The following SCN11A variants were observed in gnomAD, a reference collection of about 807,000 sequenced individuals.
SCN11A encodes the protein sodium voltage-gated channel alpha subunit 11.
SCN11A carries 122 observed loss-of-function variants against 162.2 expected under a neutral mutation model. The ratio of observed to expected loss-of-function variants is 0.75; its 90% CI spans 0.65 to 0.87. The LOEUF is 0.87. Among genes scored for constraint, SCN11A ranks in the 40% least tolerant of loss-of-function variants. The probability of loss-of-function intolerance (pLI) is 0.00; values close to 1 mark genes in which losing one functional copy is unlikely to be tolerated. For missense variants in SCN11A, 2,015 were observed against 2,181.6 expected (o/e 0.92, Z 1.52); for synonymous variants, 758 against 751.5 (o/e 1.01, Z -0.14).
chr3:39,018,377 T>C (rs913643810), intron 2 of SCN11A, among the ~76,000 whole-genome samples: 1 of 152,306 alleles, frequency 6.6e-6, no homozygotes, highest in Admixed American at 6.5e-5. Context: ...TCTCAGCTAC[T>C]TCTCCTCAAC....
intron 14 of SCN11A, among the ~76,000 whole-genome samples, chr3:38,907,684 T>C (rs1349635398): frequency 6.6e-6 from 1 of 152,118 alleles, no homozygotes; most frequent in Non-Finnish European, 1.5e-5. Flanking sequence ...TCTTCATCAT[T>C]AGCCGTACAC....
chr3:38,877,155 G>A (rs1409473845), intron 23 of SCN11A, among the ~76,000 whole-genome samples: 13 of 100,268 alleles, frequency 1.3e-4, no homozygotes, highest in African/African-American at 5.8e-4. Flanking sequence ...GTATATATAT[G>A]GTGTATATAC....
chr3:38,964,213 G>A (rs1015251754), intron 2 of SCN11A, among the ~76,000 whole-genome samples: 2 of 152,186 alleles, frequency 1.3e-5, no homozygotes, highest in East Asian at 1.9e-4. Flanking sequence ...GCACATTGCC[G>A]TCCCTTGGTG....
chr3:38,858,388 G>A (rs957271281), intron 28 of SCN11A, among the ~76,000 whole-genome samples: 1 of 152,012 alleles, frequency 6.6e-6, no homozygotes, highest in African/African-American at 2.4e-5. Flanking sequence ...AGACAAAACA[G>A]ACTTTAAAGC....
rs529475426 is a variant in SCN11A at position 38,974,491 on chromosome 3, C to T, written c.-279-14068G>A. 4.7e-3 allele frequency among the ~76,000 whole-genome samples: 712 copies of T among 151,826 alleles called. 1 individual carries two copies. The highest frequency in any genetic ancestry group is 6.8e-3 in the Middle Eastern group (2 of 294). On this transcript the variant is annotated intron_variant, in intron 2 of 29. Transcript: ENST00000302328. ...CGGGCAGATCACGAGGTCAGGAGATCGAGACCATCCTGGCTAACACGGTGA... is the reference window on the plus strand; with the variant it reads ...CGGGCAGATCACGAGGTCAGGAGATTGAGACCATCCTGGCTAACACGGTGA...
Position 38,894,852 on chromosome 3 carries a change from A to C in SCN11A, c.2516T>G (p.Phe839Cys), listed in dbSNP as rs1204456780. ...KTKVQLALDRFRRAFCFVRHT... is the reference protein window; with the variant it reads ...KTKVQLALDRCRRAFCFVRHT... ...TCTCACAAAACAAAAAGCCCGGCGGAATCGATCCAGTGCTAACTGGACTTT... is the reference window on the plus strand; with the variant it reads ...TCTCACAAAACAAAAAGCCCGGCGGCATCGATCCAGTGCTAACTGGACTTT... Residue 839 changes from phenylalanine to cysteine, a missense_variant, in exon 19 of 30, where the codon TTC (phenylalanine) becomes TGC (cysteine). By Grantham distance (205) the Phe-to-Cys change is radical (BLOSUM62 -2). Coordinates refer to ENST00000302328, the MANE Select transcript of SCN11A (RefSeq NM_001349253.2). The C allele has an allele frequency of 6.2e-7, 1 of 1,614,072 alleles. No homozygotes were observed. Among genetic ancestry groups the C allele is most frequent in the Non-Finnish European group, 8.5e-7 (1 of 1,180,038 alleles).
chr3:38,889,077 A>G (rs13094414), intron 19 of SCN11A, among the ~76,000 whole-genome samples: 13,927 of 152,180 alleles, frequency 0.092, 876 homozygotes, highest in Non-Finnish European at 0.13. Context: ...TATCTGCATA[A>G]GGGGAAAATC....
rs74877603 is a variant in SCN11A, at chr3:38,890,133, G to A, written c.2836-3895C>T. 5.2e-3 allele frequency among the ~76,000 whole-genome samples: 790 copies of A among 152,208 alleles called. 32 individuals carry two copies. In the East Asian group the frequency reaches 0.084, roughly 16 times the overall value. Reference sequence around the variant, plus strand: ...AGGGCAGAGACTTTATCCCAGAAGCGGCAGCCCAAGAATACTAGAATCATC... The same window carrying A: ...AGGGCAGAGACTTTATCCCAGAAGCAGCAGCCCAAGAATACTAGAATCATC... On this transcript the variant is annotated intron_variant, in intron 19 of 29. Transcript: ENST00000302328.
intron 2 of SCN11A, among the ~76,000 whole-genome samples, chr3:38,969,991 C>T (rs908450380): frequency 1.3e-5 from 2 of 152,234 alleles, no homozygotes; most frequent in Non-Finnish European, 2.9e-5. Context: ...TTATCTGCAG[C>T]GCAGATGTTA....
Position 38,900,082 on chromosome 3 carries a change from G to C in SCN11A, c.1843-9C>G. On this transcript the variant is annotated splice_polypyrimidine_tract_variant and intron_variant, in intron 16 of 29. Transcript: ENST00000302328. ...AAAATGCTAGTGAAAACCTAGAGTG[G>C]GACAAAGAAGAATGAGAGAAGGAAG... The C allele has an allele frequency of 6.2e-7, 1 of 1,611,302 alleles. No homozygotes were observed. Among genetic ancestry groups the C allele is most frequent in the Non-Finnish European group, 8.5e-7 (1 of 1,177,858 alleles).
rs550128518 is a variant in SCN11A at position 38,964,367 on chromosome 3, C to T, written c.-279-3944G>A. Among the ~76,000 whole-genome samples, 12 of 152,246 alleles carry T rather than the reference C, an allele frequency of 7.9e-5. No individual in the cohort carries two copies. In the East Asian group the frequency reaches 1.9e-3, roughly 24 times the overall value. On this transcript the variant is annotated intron_variant, in intron 2 of 29. Transcript: ENST00000302328. The stretch of plus-strand genomic sequence containing the variant: ...TCATTTAGCAAAGATGACATTGAGC[C>T]GCCTCTACTGCAGAACACCATGCTG...
At chr3:38,951,414 C>G (rs906543307) in intron 4 of SCN11A, among the ~76,000 whole-genome samples, 1 of 152,260 alleles carries the variant, frequency 6.6e-6, no homozygotes, top group Non-Finnish European at 1.5e-5. Flanking sequence ...ACCTGCAGCC[C>G]GCCATGCCTG....
intron 21 of SCN11A, among the ~76,000 whole-genome samples, chr3:38,883,757 T>C (rs2126107085): frequency 6.6e-6 from 1 of 152,334 alleles, no homozygotes. Context: ...GAGCCCAGGC[T>C]AGATAACACT....
chr3:38,941,359 C>A (rs1367634875), intron 7 of SCN11A, among the ~76,000 whole-genome samples: 1 of 152,084 alleles, frequency 6.6e-6, no homozygotes, highest in Non-Finnish European at 1.5e-5. Context: ...TCAATATAAA[C>A]TGAGAATGGG....
At chr3:38,999,771 A>G (rs2030752311) in intron 2 of SCN11A, among the ~76,000 whole-genome samples, 1 of 152,188 alleles carries the variant, frequency 6.6e-6, no homozygotes, top group South Asian at 2.1e-4. Flanking sequence ...CTAGCTTTAT[A>G]AGGTTCTGTT....
At chr3:38,992,888 G>C (rs1198454534) in intron 2 of SCN11A, among the ~76,000 whole-genome samples, 1 of 152,148 alleles carries the variant, frequency 6.6e-6, no homozygotes, top group African/African-American at 2.4e-5. Context: ...TTTGTTCACT[G>C]CCTAGCCTTC....
intron 2 of SCN11A, among the ~76,000 whole-genome samples, chr3:38,996,254 A>G (rs2030628932): frequency 1.3e-5 from 2 of 152,220 alleles, no homozygotes; most frequent in Admixed American, 1.3e-4. Flanking sequence ...GGACATAGGC[A>G]CTGGTTCACA....
intron 2 of SCN11A, among the ~76,000 whole-genome samples, chr3:38,972,084 G>A (rs2066820068): frequency 6.6e-6 from 1 of 152,176 alleles, no homozygotes; most frequent in Admixed American, 6.5e-5. Flanking sequence ...TGTTAATGGT[G>A]AACTGAATAT....
At chr3:38,884,779 CA>C (rs2065366878) in intron 21 of SCN11A, among the ~76,000 whole-genome samples, 1 of 152,232 alleles carries the variant, frequency 6.6e-6, no homozygotes. Context: ...TTAATAGTCA[CA>C]ACAACTCTTT....
Sources: allele counts gnomAD v4.1 joint callset (sites outside exome capture counted in the v4.1 genomes callset), GRCh38; gene constraint gnomAD v4.1.1; transcripts MANE v1.5; gene names NCBI Gene and HGNC (gene_info 2026-07-23, HGNC 2026-07-21).